The following BARD1 variants were observed in gnomAD, a reference collection of about 807,000 sequenced individuals.
The protein encoded by BARD1 is BRCA1-associated RING domain protein 1.
In BARD1, 73 loss-of-function variants were observed where a neutral mutation model predicts 77.0. The ratio of observed to expected loss-of-function variants is 0.95; its 90% CI spans 0.79 to 1.15. The LOEUF is 1.15. BARD1 is among the 50% of genes most tolerant of loss of function. The probability of loss-of-function intolerance (pLI) is 0.00; values close to 1 mark genes in which losing one functional copy is unlikely to be tolerated. For synonymous variants in BARD1, 384 were observed against 338.0 expected, an observed-to-expected ratio of 1.14 and a Z score of -1.49; for missense variants, 993 against 938.8, an observed-to-expected ratio of 1.06 and a Z score of -0.75.
chr2:214,796,672 G>T, intron 2 of BARD1: 1 of 207,626 alleles, frequency 4.8e-6, no homozygotes, highest in Non-Finnish European at 9.8e-6. Context: ...CCAGTTTTTG[G>T]TTCTTTGTTA....
intron 9 of BARD1, among the ~76,000 whole-genome samples, chr2:214,738,414 A>G (rs1559380181): frequency 6.6e-6 from 1 of 152,206 alleles, no homozygotes; most frequent in Non-Finnish European, 1.5e-5. Context: ...TTTTTGCATA[A>G]TAATGACGCT....
intron 3 of BARD1, among the ~76,000 whole-genome samples, chr2:214,785,070 TTTCTTCCCTCTACC>T (rs1409497838): frequency 1.9e-5 from 2 of 104,450 alleles, no homozygotes; most frequent in African/African-American, 6.1e-5. Flanking sequence ...ATAGAAGCCT[TTTCTTCCCTCTACC>T]TCTTCCCCTT....
At chr2:214,800,761 T>C (rs1174101328) in intron 1 of BARD1, among the ~76,000 whole-genome samples, 2 of 152,130 alleles carry the variant, frequency 1.3e-5, no homozygotes, top group Non-Finnish European at 2.9e-5. Flanking sequence ...TTAAATGTCA[T>C]ACTTTTTTTA....
intron 6 of BARD1, among the ~76,000 whole-genome samples, chr2:214,765,757 C>G (rs1376746963): frequency 6.6e-6 from 1 of 152,170 alleles, no homozygotes; most frequent in African/African-American, 2.4e-5. Flanking sequence ...TGTGTACACA[C>G]ACACACACAC....
Position 214,767,778 on chromosome 2 carries a change from T to C in BARD1, c.1396-124A>G, listed in dbSNP as rs1694286014. The C allele has an allele frequency of 6.9e-6, 6 of 873,034 alleles. No homozygotes were observed. In the Admixed American group the frequency reaches 1.4e-4, roughly 20 times the overall value. The allele number at this position is 873,034 out of a possible 1,614,324, so 54.1% of individuals were successfully genotyped here. A position where few individuals can be genotyped will look rare whatever the true frequency, so the allele number is the denominator to read the frequency against. On this transcript the variant is annotated intron_variant, in intron 5 of 10. Transcript: ENST00000260947. ...GGCAGTAAATTTATTGTTACCTAAA[T>C]ACTCAAAAACACTATAAGTTGCTGA... is the stretch of plus-strand genomic sequence containing the variant.
chr2:214,788,571 A>G (rs1414782070), intron 3 of BARD1, among the ~76,000 whole-genome samples: 1 of 152,122 alleles, frequency 6.6e-6, no homozygotes, highest in Non-Finnish European at 1.5e-5. Context: ...GCAAGTAACA[A>G]GGTTCATTTG....
chr2:214,730,557 A>AT, intron 9 of BARD1, 49 bp from the exon 10 acceptor site: 1 of 1,432,654 alleles, frequency 7.0e-7, no homozygotes, highest in Non-Finnish European at 9.8e-7. Flanking sequence ...AGTGAGCACT[A>AT]TATCTCTCTC....
intron 9 of BARD1, among the ~76,000 whole-genome samples, chr2:214,734,158 AC>A (rs1692472507): frequency 6.6e-6 from 1 of 152,138 alleles, no homozygotes; most frequent in African/African-American, 2.4e-5. Flanking sequence ...ATAATGGAGG[AC>A]CAATATATTT....
At position 214,781,427 on chromosome 2, in the gene BARD1, A is replaced by G. The variant is rs112306682; in HGVS notation, c.447T>C (p.Pro149=). 6.2e-7 allele frequency: 1 copy of G among 1,613,534 alleles called. No individual in the cohort carries two copies. The highest frequency in any genetic ancestry group is 8.5e-7 in the Non-Finnish European group (1 of 1,179,878). Residue 149 remains proline, a synonymous_variant, in exon 4 of 11, where the codon CCT becomes CCC. Coordinates refer to ENST00000260947, the MANE Select transcript of BARD1 (RefSeq NM_000465.4). ...KKNSIKMWFS[P]RSKKVRYVVS... is the part of the protein sequence containing the mutation. ...CAACATATCTGACTTTCTTACTTCG[A>G]GGGCTAAACCACATTTTAATTGAAT... is the stretch of plus-strand genomic sequence containing the variant.
At chr2:214,802,454 T>A (rs1574856379) in intron 1 of BARD1, among the ~76,000 whole-genome samples, 1 of 152,326 alleles carries the variant, frequency 6.6e-6, no homozygotes, top group Middle Eastern at 3.4e-3. Flanking sequence ...TTACTATGGG[T>A]TGATCCAGAC....
rs73084527 is a variant in BARD1, at chr2:214,759,726, A to C, written c.1569-7171T>G. On this transcript the variant is annotated intron_variant, in intron 6 of 10. Coordinates refer to ENST00000260947, the MANE Select transcript of BARD1 (RefSeq NM_000465.4). ...AATTATAAAGATTTAGGGCCCAAAA[A>C]CATTGCAGTAGGAAAATTAATAAAG... Among the ~76,000 whole-genome samples, 628 of 152,274 alleles carry C rather than the reference A, an allele frequency of 4.1e-3. 8 individuals carry two copies. Among genetic ancestry groups the C allele is most frequent in the African/African-American group, 0.014 (588 of 41,556 alleles).
intron 7 of BARD1, among the ~76,000 whole-genome samples, chr2:214,746,443 A>G (rs1477206882): frequency 2.6e-5 from 4 of 152,204 alleles, no homozygotes; most frequent in Admixed American, 2.6e-4. Flanking sequence ...CACGACTAAG[A>G]AAGAAGTGCT....
Position 214,726,414 on chromosome 2 carries a change from A to C in BARD1, c.*2262T>G. 4.8e-6 allele frequency: 1 copy of C among 209,422 alleles called. No homozygotes were observed. Among genetic ancestry groups the C allele is most frequent in the Non-Finnish European group, 9.7e-6 (1 of 103,012 alleles). 13.0% of individuals were successfully genotyped at this position (209,422 alleles called of 1,614,324 possible). The stretch of plus-strand genomic sequence containing the variant: ...AGCAATCAGTGTGTAATTGTTTCTT[A>C]ATGACTATTCCAAACTATCAAAGTT... On this transcript the variant is annotated 3_prime_UTR_variant, in exon 11 of 11. Transcript: ENST00000260947.
chr2:214,757,293 T>C (rs1693737589), intron 6 of BARD1, among the ~76,000 whole-genome samples: 1 of 152,098 alleles, frequency 6.6e-6, no homozygotes. Context: ...TTCACCAGTT[T>C]TTTTTTTTTC....
At chr2:214,763,660 G>A (rs1308157454) in intron 6 of BARD1, among the ~76,000 whole-genome samples, 1 of 152,176 alleles carries the variant, frequency 6.6e-6, no homozygotes, top group African/African-American at 2.4e-5. Flanking sequence ...TCCATGGGAA[G>A]AGTTCAGGCC....
intron 6 of BARD1, among the ~76,000 whole-genome samples, chr2:214,758,141 G>A (rs1304589182): frequency 6.6e-6 from 1 of 152,150 alleles, no homozygotes; most frequent in African/African-American, 2.4e-5. Flanking sequence ...TGGCATCAAC[G>A]TAGCATGGTA....
At chr2:214,752,655 T>C in intron 6 of BARD1, 100 bp from the exon 7 acceptor site, 1 of 846,382 alleles carries the variant, frequency 1.2e-6, no homozygotes. Flanking sequence ...TAAAATAAAT[T>C]ACTCAGAACT....
intron 7 of BARD1, among the ~76,000 whole-genome samples, chr2:214,751,143 ATATATATATTTT>A (rs1559393218): frequency 3.8e-3 from 80 of 21,000 alleles, no homozygotes; most frequent in African/African-American, 8.6e-3. Context: ...ATATATATAT[ATATATATATTTT>A]TTTTTTTTTT....
rs1060501288 is a variant in BARD1 at position 214,781,066 on chromosome 2, C to G, written c.808G>C (p.Glu270Gln). The G allele has an allele frequency of 1.2e-6, 2 of 1,602,378 alleles. No individual in the cohort carries two copies. The highest frequency in any genetic ancestry group is 1.7e-5 in the Admixed American group (1 of 57,836). Residue 270 changes from glutamate (E) to glutamine (Q), a missense_variant, in exon 4 of 11, where the codon GAA (glutamate) becomes CAA (glutamine). Transcript: ENST00000260947. ...ACTTCAGTTAAACTTCCAAAACATTCAGATTCTGTCAAGGAGCCACTTGCT... is the reference window on the plus strand; with the variant it reads ...ACTTCAGTTAAACTTCCAAAACATTGAGATTCTGTCAAGGAGCCACTTGCT... The part of the protein sequence containing the change: ...LLASGSLTES[E>Q]CFGSLTEVSL...
Sources: gnomAD v4.1 joint callset for allele counts (sites outside exome capture counted in the v4.1 genomes callset) on GRCh38, gnomAD v4.1.1 for gene constraint, MANE v1.5 for transcripts, NCBI Gene and HGNC (gene_info 2026-07-23, HGNC 2026-07-21) for gene names.